The following GATA1 variants were observed in gnomAD, a reference collection of about 807,000 sequenced individuals.
GATA1 encodes GATA binding protein 1, also known as erythroid transcription factor.
GATA1 carries 2 observed loss-of-function variants against 18.9 expected under a neutral mutation model. The observed-to-expected ratio is 0.11, with a 90% CI of 0.04 to 0.33. GATA1 has a LOEUF of 0.33. Among genes scored for constraint, GATA1 ranks in the 10% least tolerant of loss-of-function variants. The pLI is 1.00. For synonymous variants in GATA1, 152 were observed against 149.1 expected, an observed-to-expected ratio of 1.02 and a Z score of -0.14; for missense variants, 272 against 344.7, an observed-to-expected ratio of 0.79 and a Z score of 1.67.
chrX:48,793,749 C>A, intron 5 of GATA1, 44 bp from the exon 6 acceptor site: 2 of 1,206,811 alleles, frequency 1.7e-6, no homozygotes. Context: ...CACAGAGAGG[C>A]AAAGGTCTGG....
At chrX:48,789,753 T>G (rs2062668269) in intron 1 of GATA1, among the ~76,000 whole-genome samples, 1 of 108,390 alleles carries the variant, frequency 9.2e-6, no homozygotes, top group Non-Finnish European at 1.9e-5. Flanking sequence ...AACCAAGAAG[T>G]AGGGAGGAAC....
rs2147306269 is a variant in GATA1, at chrX:48,791,947, T to C, written c.324T>C (p.Thr108=). The change falls in exon 3 of 6, where the codon ACT becomes ACC. Residue 108 remains threonine, a synonymous_variant. Transcript: ENST00000376670. ...YGKTGLYPAS[T]VCPTREDSPP... is the part of the protein sequence containing the mutation. ...AGACGGGGCTCTACCCTGCCTCAACTGTGTGTCCCACCCGCGAGGACTCTC... is the reference window on the plus strand; with the variant it reads ...AGACGGGGCTCTACCCTGCCTCAACCGTGTGTCCCACCCGCGAGGACTCTC... The C allele has an allele frequency of 8.3e-7, 1 of 1,211,628 alleles. No homozygotes were observed. Among genetic ancestry groups the C allele is most frequent in the Non-Finnish European group, 1.1e-6 (1 of 895,401 alleles).
chrX:48,794,075 C>T lies in GATA1; in HGVS notation c.1153C>T (p.Pro385Ser), dbSNP rs1557020629. 1 of 1,209,237 alleles carries T rather than the reference C, an allele frequency of 8.3e-7. No individual in the cohort carries two copies. Among genetic ancestry groups the T allele is most frequent in the Non-Finnish European group, 1.1e-6 (1 of 894,192 alleles). The change falls in exon 6 of 6, where the codon CCC becomes TCC. Residue 385 changes from proline to serine, a missense_variant. Pro to Ser is a moderately conservative substitution (Grantham distance 74, BLOSUM62 -1). Around this residue, in one of 3 missense-constraint regions of GATA1, gnomAD observed 83 missense variants for 84.2 expected, o/e 0.99. Coordinates refer to ENST00000376670, the MANE Select transcript of GATA1 (RefSeq NM_002049.4). Reference protein sequence around the residue: ...PVSHLMPFPGPLLGSPTGSFP... With the variant: ...PVSHLMPFPGSLLGSPTGSFP... Reference sequence around the variant, plus strand: ...TAGCCACCTCATGCCTTTCCCTGGACCCCTACTGGGCTCACCCACGGGCTC... The same window carrying T: ...TAGCCACCTCATGCCTTTCCCTGGATCCCTACTGGGCTCACCCACGGGCTC...
In GATA1 at chrX:48,793,956, A is replaced by G; in HGVS notation, c.1034A>G (p.Asn345Ser). 8.3e-7 allele frequency: 1 copy of G among 1,204,297 alleles called. No homozygotes were observed. The highest frequency in any genetic ancestry group is 1.8e-5 in the South Asian group (1 of 55,788). ...MVVAGGSGSG[N>S]CGEVASGLTL... ...GTGGCTGGGGGCAGCGGTAGCGGGA[A>G]TTGTGGGGAGGTGGCTTCAGGCCTG... The change falls in exon 6 of 6, where the codon AAT becomes AGT. Residue 345 changes from asparagine (N) to serine (S), a missense_variant. Asn to Ser is a conservative substitution (Grantham distance 46, BLOSUM62 1). Around this residue, in one of 3 missense-constraint regions of GATA1, gnomAD observed 83 missense variants for 84.2 expected, o/e 0.99. Coordinates refer to ENST00000376670, the MANE Select transcript of GATA1 (RefSeq NM_002049.4).
intron 1 of GATA1, among the ~76,000 whole-genome samples, chrX:48,787,078 C>T (rs2062660703): frequency 9.1e-6 from 1 of 110,328 alleles, no homozygotes; most frequent in Non-Finnish European, 1.9e-5. Flanking sequence ...AACCCCTTAT[C>T]TGCTCTACAA....
At chrX:48,788,416 C>G (rs2062664409) in intron 1 of GATA1, among the ~76,000 whole-genome samples, 1 of 111,038 alleles carries the variant, frequency 9.0e-6, no homozygotes, top group Non-Finnish European at 1.9e-5. Flanking sequence ...GAGATACACG[C>G]AGGTAGCACT....
At chrX:48,788,393 A>G (rs1200836704) in intron 1 of GATA1, among the ~76,000 whole-genome samples, 1 of 110,977 alleles carries the variant, frequency 9.0e-6, no homozygotes, top group Non-Finnish European at 1.9e-5. Context: ...GCAGAAAAGG[A>G]GATAGAAATG....
Position 48,791,345 on chromosome X carries a change from G to A in GATA1, c.220+16G>A, listed in dbSNP as rs1456297051. The A allele has an allele frequency of 8.5e-7, 1 of 1,170,933 alleles. No homozygotes were observed. Among genetic ancestry groups the A allele is most frequent in the Non-Finnish European group, 1.2e-6 (1 of 868,223 alleles). On this transcript the variant is annotated intron_variant, in intron 2 of 5. Coordinates refer to ENST00000376670, the MANE Select transcript of GATA1 (RefSeq NM_002049.4). ...CACTCCCCAGGTAACTCCATTGAGT[G>A]GCTGTCTTGGCATTGGCTGAGTGCT...
Position 48,793,938 on chromosome X carries a change from G to T in GATA1, c.1016G>T (p.Gly339Val). ...GPAGGFMVVA[G>V]GSGSGNCGEV... The stretch of plus-strand genomic sequence containing the variant: ...GCTGGTGGCTTTATGGTGGTGGCTG[G>T]GGGCAGCGGTAGCGGGAATTGTGGG... The change falls in exon 6 of 6, where the codon GGG becomes GTG. Residue 339 changes from glycine to valine, a missense_variant. Physicochemically the swap from Gly to Val is moderately radical, Grantham distance 109. Coordinates refer to ENST00000376670, the MANE Select transcript of GATA1 (RefSeq NM_002049.4). 1.7e-6 allele frequency: 2 copies of T among 1,204,347 alleles called. No homozygotes were observed. Among genetic ancestry groups the T allele is most frequent in the Non-Finnish European group, 2.2e-6 (2 of 891,414 alleles).
Position 48,791,931 on chromosome X carries a change from T to C in GATA1, c.308T>C (p.Leu103Pro), listed in dbSNP as rs2147306230. The change falls in exon 3 of 6, where the codon CTC becomes CCC. Residue 103 changes from leucine to proline, a missense_variant. Leu to Pro is a moderately conservative substitution (Grantham distance 98, BLOSUM62 -3). Coordinates refer to ENST00000376670, the MANE Select transcript of GATA1 (RefSeq NM_002049.4). ...GGCTGGGCCTACGGCAAGACGGGGC[T>C]CTACCCTGCCTCAACTGTGTGTCCC... ...YAGWAYGKTGLYPASTVCPTR... is the reference protein window; with the variant it reads ...YAGWAYGKTGPYPASTVCPTR... 3 of 1,211,732 alleles carry C rather than the reference T, an allele frequency of 2.5e-6. No individual in the cohort carries two copies. The highest frequency in any genetic ancestry group is 3.4e-6 in the Non-Finnish European group (3 of 895,483).
chrX:48,791,338 A>G lies in GATA1; in HGVS notation c.220+9A>G. ...CTACAGACACTCCCCAGGTAACTCC[A>G]TTGAGTGGCTGTCTTGGCATTGGCT... On this transcript the variant is annotated intron_variant, in intron 2 of 5. Transcript: ENST00000376670. The G allele has an allele frequency of 8.5e-7, 1 of 1,183,233 alleles. No individual in the cohort carries two copies. The highest frequency in any genetic ancestry group is 1.1e-6 in the Non-Finnish European group (1 of 876,955).
In GATA1 at chrX:48,792,187, C is replaced by T. The variant is rs782770234; in HGVS notation, c.564C>T (p.Pro188=). The T allele has an allele frequency of 4.1e-6, 5 of 1,209,545 alleles. No homozygotes were observed. In the African/African-American group the frequency reaches 8.8e-5, roughly 21 times the overall value. ...SPLNSAAYSS[P]KLRGTLPLPP... is the part of the protein sequence containing the mutation. ...TCAATTCAGCAGCCTATTCCTCTCCCAAGCTTCGTGGAACTCTCCCCCTGC... is the reference window on the plus strand; with the variant it reads ...TCAATTCAGCAGCCTATTCCTCTCCTAAGCTTCGTGGAACTCTCCCCCTGC... Residue 188 remains proline, a synonymous_variant, in exon 3 of 6, where the codon CCC becomes CCT. Coordinates refer to ENST00000376670, the MANE Select transcript of GATA1 (RefSeq NM_002049.4).
intron 4 of GATA1, 145 bp downstream of exon 4, chrX:48,792,613 C>T (rs2062678605): frequency 1.4e-6 from 1 of 718,690 alleles, no homozygotes; most frequent in Admixed American, 2.6e-5. Flanking sequence ...GAACCCCTGT[C>T]CCAATATCAC....
intron 1 of GATA1, among the ~76,000 whole-genome samples, chrX:48,790,702 C>T (rs1429555494): frequency 2.3e-5 from 2 of 86,710 alleles, no homozygotes; most frequent in Non-Finnish European, 4.4e-5. Flanking sequence ...GGGAGAAAGA[C>T]AGGAGGAAAA....
At chrX:48,790,068 AG>A (rs781924453) in intron 1 of GATA1, among the ~76,000 whole-genome samples, 6 of 109,075 alleles carry the variant, frequency 5.5e-5, no homozygotes, top group African/African-American at 2.0e-4. Context: ...AAGGGAGAAA[AG>A]GATGAACAGA....
chrX:48,790,794 G>T (rs1464915856), intron 1 of GATA1, among the ~76,000 whole-genome samples: 36 of 102,857 alleles, frequency 3.5e-4, no homozygotes, highest in African/African-American at 1.3e-3. Flanking sequence ...GCGAGAGGAG[G>T]GAGGAGAGGA....
intron 1 of GATA1, among the ~76,000 whole-genome samples, chrX:48,790,386 G>A (rs782467893): frequency 2.0e-4 from 22 of 111,454 alleles, no homozygotes; most frequent in African/African-American, 7.2e-4. Context: ...GGGAGGCAGT[G>A]GTTGCAGTGA....
chrX:48,794,152 G>A lies in GATA1; in HGVS notation c.1230G>A (p.Pro410=), dbSNP rs201176390. 6.8e-5 allele frequency: 80 copies of A among 1,180,040 alleles called. 1 individual carries two copies. In the East Asian group the frequency reaches 1.9e-3, roughly 28 times the overall value. Residue 410 remains proline (P), a synonymous_variant, in exon 6 of 6, where the codon CCG becomes CCA. Transcript: ENST00000376670. ...CCACCAGCACTACTGTGGTGGCTCC[G>A]CTCAGCTCATGAGGGCACAGAGCAT... The part of the protein sequence containing the change: ...PPTTSTTVVA[P]LSS
At position 48,791,311 on chromosome X, in the gene GATA1, G is replaced by A; in HGVS notation, c.202G>A (p.Ala68Thr). 1 of 1,203,245 alleles carries A rather than the reference G, an allele frequency of 8.3e-7. No homozygotes were observed. Residue 68 changes from alanine (A) to threonine (T), a missense_variant, in exon 2 of 6, where the codon GCC (alanine) becomes ACC (threonine). Transcript: ENST00000376670. ...AALAYYRDAE[A>T]YRHSPVFQVY... ...ACTGGCCTACTACAGGGACGCTGAG[G>A]CCTACAGACACTCCCCAGGTAACTC...
Sources: gnomAD v4.1 joint callset for allele counts (sites outside exome capture counted in the v4.1 genomes callset) on GRCh38, gnomAD v4.1.1 for gene constraint, gnomAD v4.1.1 regional missense constraint, MANE v1.5 for transcripts, NCBI Gene and HGNC (gene_info 2026-07-23, HGNC 2026-07-21) for gene names.